LINGO1: variants seen among roughly 807,000 people sequenced by gnomAD.
The protein encoded by LINGO1 is leucine-rich repeat and immunoglobulin-like domain-containing nogo receptor-interacting protein 1.
Under a neutral mutation model 37.3 loss-of-function variants are expected in LINGO1, and 11 were observed. The observed-to-expected ratio is 0.29, with a 90% CI of 0.19 to 0.49. LINGO1 has a LOEUF of 0.49. LINGO1 is among the 20% of genes least tolerant of loss of function. The pLI is 0.99. For missense variants in LINGO1, 585 were observed against 878.2 expected (o/e 0.67, Z 4.22); for synonymous variants, 387 against 403.0 (o/e 0.96, Z 0.48).
At chr15:77,802,283 A>C (rs1343235770) in intron 1 of LINGO1, among the ~76,000 whole-genome samples, 1 of 145,528 alleles carries the variant, frequency 6.9e-6, no homozygotes, top group Non-Finnish European at 1.5e-5. Flanking sequence ...GTGTGTGTGT[A>C]TGTGTGTTGT....
intron 1 of LINGO1, among the ~76,000 whole-genome samples, chr15:77,807,812 C>T (rs558376858): frequency 6.6e-5 from 10 of 152,026 alleles, no homozygotes; most frequent in Non-Finnish European, 1.3e-4. Context: ...AGCAACAGAG[C>T]GAGCGCCCGG....
chr15:77,676,188 C>T (rs1002811518), intron 3 of LINGO1, among the ~76,000 whole-genome samples: 6 of 152,228 alleles, frequency 3.9e-5, no homozygotes, highest in Non-Finnish European at 7.3e-5. Flanking sequence ...GTGGCCTGGG[C>T]AGGCTGGCTG....
chr15:77,642,100 G>A (rs768027412), intron 3 of LINGO1: 48 of 410,458 alleles, frequency 1.2e-4, no homozygotes, highest in African/African-American at 7.9e-4. Flanking sequence ...TAAATGGGGC[G>A]CTCCTCCACC....
intron 2 of LINGO1, among the ~76,000 whole-genome samples, chr15:77,795,370 C>A (rs982395944): frequency 2.0e-5 from 3 of 152,170 alleles, no homozygotes; most frequent in Admixed American, 6.5e-5. Context: ...GTGATAAAGT[C>A]CAAGAACACA....
intron 2 of LINGO1, among the ~76,000 whole-genome samples, chr15:77,702,736 C>G (rs564638759): frequency 6.6e-6 from 1 of 152,324 alleles, no homozygotes; most frequent in East Asian, 1.9e-4. Context: ...GGGCTACACA[C>G]ACACACACCA....
At chr15:77,762,192 C>T (rs551388724) in intron 1 of LINGO1, among the ~76,000 whole-genome samples, 5 of 152,240 alleles carry the variant, frequency 3.3e-5, no homozygotes, top group African/African-American at 9.6e-5. Flanking sequence ...CACAGTGGAC[C>T]GAGGCGTGGG....
At chr15:77,699,567 A>ACTAACCATCACCTGCACACAGT (rs2075746375), upstream of LINGO1, among the ~76,000 whole-genome samples, 1 of 1,414 alleles carries the variant, frequency 7.1e-4, no homozygotes, top group Non-Finnish European at 1.9e-3. Context: ...TGCACACAGT[A>ACTAACCATCACCTGCACACAGT]AAGCACATAC....
intron 1 of LINGO1, among the ~76,000 whole-genome samples, chr15:77,747,446 C>T (rs1036635801): frequency 2.6e-5 from 4 of 152,230 alleles, no homozygotes; most frequent in African/African-American, 9.6e-5. Flanking sequence ...AGGTCAATCA[C>T]TCCCCCTGCA....
intron 2 of LINGO1, among the ~76,000 whole-genome samples, chr15:77,683,357 T>C (rs1055666606): frequency 6.6e-6 from 1 of 152,128 alleles, no homozygotes; most frequent in African/African-American, 2.4e-5. Context: ...GCCACTCGCA[T>C]CTAGAAATCT....
rs546108345 is a variant in LINGO1 at position 77,619,044 on chromosome 15, C to T, written c.7-3144G>A. On this transcript the variant is annotated intron_variant, in intron 1 of 1. Transcript: ENST00000355300. ...GAAGCCAGTCAGGAAAGAATGCCAC[C>T]AAGTCCTGCCTAATGACGAAAGGTG... Among the ~76,000 whole-genome samples, 19 of 152,294 alleles carry T rather than the reference C, an allele frequency of 1.2e-4. No individual in the cohort carries two copies. The South Asian group carries it at 2.1e-3, about 17-fold the overall frequency.
intron 3 of LINGO1, chr15:77,648,629 C>T (rs2074690012): frequency 6.6e-6 from 1 of 152,318 alleles, no homozygotes; most frequent in African/African-American, 2.4e-5. Context: ...AGATCCAGGC[C>T]CAGCTTGTCT....
chr15:77,772,174 C>T (rs2076592285), intron 1 of LINGO1, among the ~76,000 whole-genome samples: 1 of 152,342 alleles, frequency 6.6e-6, no homozygotes, highest in East Asian at 1.9e-4. Context: ...TAGACTCCAC[C>T]TGGCTTATCT....
At chr15:77,759,198 C>G (rs1377292207) in intron 1 of LINGO1, among the ~76,000 whole-genome samples, 1 of 152,244 alleles carries the variant, frequency 6.6e-6, no homozygotes, top group Non-Finnish European at 1.5e-5. Context: ...TGCATACCCA[C>G]ACACTACCTT....
intron 1 of LINGO1, among the ~76,000 whole-genome samples, chr15:77,692,110 G>A (rs1044035977): frequency 2.0e-5 from 3 of 152,216 alleles, no homozygotes; most frequent in Admixed American, 2.0e-4. Context: ...CATTACGGCT[G>A]CCCTTTCCTT....
upstream of LINGO1, among the ~76,000 whole-genome samples, chr15:77,699,771 T>TCACCTGCATACAGTAAGCACATACTAAC (rs1567532365): frequency 1.8e-4 from 16 of 89,022 alleles, no homozygotes; most frequent in South Asian, 3.7e-4. Flanking sequence ...ATACTAACCA[T>TCACCTGCATACAGTAAGCACATACTAAC]CATTCCCCCC....
chr15:77,731,128 C>A (rs1210643770), intron 2 of LINGO1, among the ~76,000 whole-genome samples: 1 of 152,204 alleles, frequency 6.6e-6, no homozygotes, highest in Non-Finnish European at 1.5e-5. Context: ...GCCCCCCAGA[C>A]ACCCCTCCAT....
At chr15:77,780,278 T>C (rs1313537018) in intron 1 of LINGO1, among the ~76,000 whole-genome samples, 1 of 152,114 alleles carries the variant, frequency 6.6e-6, no homozygotes, top group Non-Finnish European at 1.5e-5. Context: ...CCATGGACAA[T>C]GGTGGGCCAC....
At chr15:77,625,418 C>T (rs2074058100) in intron 1 of LINGO1, among the ~76,000 whole-genome samples, 1 of 152,186 alleles carries the variant, frequency 6.6e-6, no homozygotes. Flanking sequence ...ATGGAAGAAG[C>T]AGAAGCACAA....
At chr15:77,721,310 G>T (rs929594825) in intron 2 of LINGO1, among the ~76,000 whole-genome samples, 5 of 151,994 alleles carry the variant, frequency 3.3e-5, no homozygotes, top group African/African-American at 1.2e-4. Flanking sequence ...CAGGGCCTTG[G>T]TATGTGCTCT....
Sources: gnomAD v4.1 joint callset for allele counts (sites outside exome capture counted in the v4.1 genomes callset) on GRCh38, gnomAD v4.1.1 for gene constraint, MANE v1.5 for transcripts, NCBI Gene and HGNC (gene_info 2026-07-23, HGNC 2026-07-21) for gene names.